MGST2: variants seen among roughly 807,000 people sequenced by gnomAD.
MGST2 encodes microsomal glutathione S-transferase 2, also known as glutathione peroxidase MGST2.
A neutral mutation model predicts 16.6 loss-of-function variants in MGST2; 9 were observed. The ratio of observed to expected loss-of-function variants is 0.54; its 90% CI spans 0.33 to 0.95. The LOEUF is 0.95. Among genes scored for constraint, MGST2 ranks in the 40% least tolerant of loss-of-function variants. MGST2 has a pLI of 0.03. For synonymous variants in MGST2, 79 were observed against 68.0 expected (o/e 1.16, Z -0.79); for missense variants, 159 against 175.1 (o/e 0.91, Z 0.52).
At chr4:139,727,907 C>T (rs976434103) in intron 5 of MGST2, among the ~76,000 whole-genome samples, 1 of 152,158 alleles carries the variant, frequency 6.6e-6, no homozygotes, top group Non-Finnish European at 1.5e-5. Context: ...TGGCAGTATT[C>T]ACTCTCAAAA....
intron 2 of MGST2, among the ~76,000 whole-genome samples, chr4:139,689,190 A>C (rs1271830280): frequency 4.6e-5 from 7 of 151,310 alleles, no homozygotes; most frequent in African/African-American, 7.3e-5. Flanking sequence ...CAGTGTCCTT[A>C]CCAATACCAA....
At chr4:139,682,213 C>T (rs1180506338) in intron 2 of MGST2, among the ~76,000 whole-genome samples, 2 of 147,908 alleles carry the variant, frequency 1.4e-5, no homozygotes, top group African/African-American at 2.5e-5. Flanking sequence ...AAGAGAAAAT[C>T]ATATATTATG....
intron 1 of MGST2, among the ~76,000 whole-genome samples, chr4:139,678,334 T>G (rs1731066540): frequency 6.6e-6 from 1 of 152,240 alleles, no homozygotes. Context: ...TCAAAGTGGT[T>G]GTACCGTTTT....
chr4:139,693,371 C>G (rs1407416493), intron 2 of MGST2, among the ~76,000 whole-genome samples: 1 of 144,752 alleles, frequency 6.9e-6, no homozygotes, highest in Non-Finnish European at 1.5e-5. Flanking sequence ...TGCCACTGCA[C>G]TCCAGCCTGG....
chr4:139,702,844 GTTTTTTTTTTT>G (rs70943436), intron 3 of MGST2, among the ~76,000 whole-genome samples: 738 of 46,456 alleles, frequency 0.016, 28 homozygotes, highest in African/African-American at 0.043. Context: ...TGTGTTACTG[GTTTTTTTTTTT>G]TTTTTTTTTT....
chr4:139,751,848 C>T, the MGST2 span, among the ~76,000 whole-genome samples: 2 of 152,170 alleles, frequency 1.3e-5, no homozygotes, highest in African/African-American at 4.8e-5. Flanking sequence ...AGTATCCATT[C>T]TTATCTCTTA....
downstream of MGST2, among the ~76,000 whole-genome samples, chr4:139,707,265 T>C (rs1231068081): frequency 6.6e-6 from 1 of 151,954 alleles, no homozygotes; most frequent in African/African-American, 2.4e-5. Flanking sequence ...TGTGTTCTCA[T>C]TGTTCAATTC....
At position 139,715,858 on chromosome 4, in the gene MGST2, T is replaced by G. The variant is rs750675570; in HGVS notation, c.*48+11662T>G. ...TTATGCCGTGTATTTTGTGCTGAAC[T>G]CCTATCTCATCCTGTGACTTAGAAT... On this transcript the variant is annotated intron_variant, in intron 5 of 5. Transcript: ENST00000616265. The surrounding 1 kb of genome is among the most constrained non-coding windows in gnomAD (Gnocchi z 4.4). Among the ~76,000 whole-genome samples the G allele has an allele frequency of 1.3e-5, 2 of 151,414 alleles. No individual in the cohort carries two copies. The highest frequency in any genetic ancestry group is 2.9e-5 in the Non-Finnish European group (2 of 68,026).
intron 2 of MGST2, among the ~76,000 whole-genome samples, chr4:139,683,919 G>GT (rs34222679): frequency 0.095 from 8,803 of 92,410 alleles, 659 homozygotes; most frequent in Non-Finnish European, 0.14. Context: ...TCAGTTTTGT[G>GT]TTTTTTTTTT....
At chr4:139,747,372 G>A in the MGST2 span, among the ~76,000 whole-genome samples, 3 of 152,312 alleles carry the variant, frequency 2.0e-5, no homozygotes, top group South Asian at 4.1e-4. Flanking sequence ...GTTAGAGAAT[G>A]AATTCTAGGG....
chr4:139,726,916 T>G (rs1728495280), intron 5 of MGST2, among the ~76,000 whole-genome samples: 2 of 152,236 alleles, frequency 1.3e-5, no homozygotes, highest in South Asian at 4.1e-4. Flanking sequence ...GTTCTAGGTC[T>G]GCCGTCAAGT....
intron 5 of MGST2, among the ~76,000 whole-genome samples, chr4:139,722,022 A>C (rs1330289719): frequency 6.6e-6 from 1 of 152,184 alleles, no homozygotes; most frequent in Non-Finnish European, 1.5e-5. Flanking sequence ...AAATTATATA[A>C]ACAGTCTGAT....
the MGST2 span, among the ~76,000 whole-genome samples, chr4:139,753,386 A>ATCTAT: frequency 2.0e-5 from 3 of 148,650 alleles, no homozygotes; most frequent in South Asian, 6.4e-4. Context: ...CTATCTATCT[A>ATCTAT]TTTTTTGTTA....
At position 139,678,556 on chromosome 4, in the gene MGST2, G is replaced by A. The variant is rs772209398; in HGVS notation, c.72G>A (p.Leu24=). Residue 24 remains leucine, a synonymous_variant, in exon 2 of 5, where the codon TTG becomes TTA. Coordinates refer to ENST00000265498, the MANE Select transcript of MGST2 (RefSeq NM_002413.5). ...LSACQQSYFA[L]QVGKARLKYK... ...CTTTACTTGCAGGTTATTTTGCTTT[G>A]CAAGTTGGAAAGGCAAGATTAAAAT... 1.7e-5 allele frequency: 27 copies of A among 1,613,746 alleles called. No individual in the cohort carries two copies. In the Admixed American group the frequency reaches 4.5e-4, roughly 27 times the overall value.
At chr4:139,718,197 C>T (rs2110947574) in intron 5 of MGST2, 1 of 152,310 alleles carries the variant, frequency 6.6e-6, no homozygotes, top group African/African-American at 2.4e-5. Flanking sequence ...AAACCGACTC[C>T]CAAACATCAG....
chr4:139,750,771 C>T, the MGST2 span, among the ~76,000 whole-genome samples: 15 of 152,292 alleles, frequency 9.8e-5, no homozygotes, highest in Non-Finnish European at 1.9e-4. Flanking sequence ...CAAAAGTTAG[C>T]GATAGATTTT....
At chr4:139,719,798 G>C in intron 5 of MGST2, 1 of 1,613,558 alleles carries the variant, frequency 6.2e-7, no homozygotes, top group Non-Finnish European at 8.5e-7. Flanking sequence ...ATTGTTGAAT[G>C]GTCCCAATTC....
chr4:139,726,170 T>C (rs2110974329), intron 5 of MGST2, among the ~76,000 whole-genome samples: 1 of 152,370 alleles, frequency 6.6e-6, no homozygotes, highest in African/African-American at 2.4e-5. Context: ...CTTTTGTACT[T>C]TGCAGAAAAG....
chr4:139,743,592 G>A (rs753048121), downstream of MGST2, among the ~76,000 whole-genome samples: 12 of 152,170 alleles, frequency 7.9e-5, no homozygotes, highest in Non-Finnish European at 1.8e-4. Context: ...GAGTGGAGGA[G>A]GGGTGAGTGG....
Sources: gnomAD v4.1 joint callset for allele counts (sites outside exome capture counted in the v4.1 genomes callset) on GRCh38, gnomAD v4.1.1 for gene constraint, Gnocchi (gnomAD v3.1) non-coding constraint, MANE v1.5 for transcripts, NCBI Gene and HGNC (gene_info 2026-07-23, HGNC 2026-07-21) for gene names.